Variants in DPP4 observed in about 807,000 individuals in gnomAD.
The protein encoded by DPP4 is dipeptidyl peptidase 4.
DPP4 carries 93 observed loss-of-function variants against 122.4 expected under a neutral mutation model. That is an observed-to-expected ratio of 0.76 (90% CI 0.64 to 0.90). The LOEUF (loss-of-function observed/expected upper bound fraction) is 0.90. Ranked by LOEUF, DPP4 falls within the 40% of genes least tolerant of loss-of-function variation. DPP4 has a pLI of 0.00. For synonymous variants in DPP4, 321 were observed against 302.9 expected (o/e 1.06, Z -0.62); for missense variants, 914 against 907.3 (o/e 1.01, Z -0.09).
intron 20 of DPP4, among the ~76,000 whole-genome samples, chr2:162,009,497 T>C (rs1701364915): frequency 6.7e-6 from 1 of 149,870 alleles, no homozygotes; most frequent in Non-Finnish European, 1.5e-5. Flanking sequence ...TTTACTTTTG[T>C]TGGAGTTCAT....
At chr2:162,017,371 A>C (rs186992080) in intron 16 of DPP4, 69 of 548,302 alleles carry the variant, frequency 1.3e-4, no homozygotes, top group African/African-American at 1.1e-3. Flanking sequence ...CTGGAAAGGC[A>C]CAGGGCTCAG....
intron 5 of DPP4, among the ~76,000 whole-genome samples, chr2:162,040,813 C>T (rs1481066505): frequency 6.6e-6 from 1 of 151,524 alleles, no homozygotes; most frequent in Non-Finnish European, 1.5e-5. Flanking sequence ...CACACTCATG[C>T]AAGACATTAA....
At chr2:162,053,411 G>A (rs1216109890) in intron 2 of DPP4, among the ~76,000 whole-genome samples, 2 of 151,752 alleles carry the variant, frequency 1.3e-5, no homozygotes, top group African/African-American at 2.4e-5. Flanking sequence ...ATACACCAAC[G>A]ATAGCTGAAT....
At chr2:162,016,642 T>G in intron 18 of DPP4, 126 bp downstream of exon 18, 2 of 573,510 alleles carry the variant, frequency 3.5e-6, no homozygotes, top group Non-Finnish European at 5.7e-6. Context: ...AAACATTTCA[T>G]GGAGAAATAA....
chr2:162,071,559 T>G (rs1466922789), intron 2 of DPP4, among the ~76,000 whole-genome samples: 1 of 152,168 alleles, frequency 6.6e-6, no homozygotes, highest in East Asian at 1.9e-4. Flanking sequence ...AGGGAATCAC[T>G]TGAACCCGGG....
At position 162,060,978 on chromosome 2, in the gene DPP4, TTCCC is replaced by T. The variant is rs1211725268; in HGVS notation, c.94+12417_94+12420del. Among the ~76,000 whole-genome samples the T allele has an allele frequency of 6.4e-3, 739 of 115,872 alleles. 7 individuals are homozygous for T. Among genetic ancestry groups the T allele is most frequent in the East Asian group, 0.017 (60 of 3,522 alleles). The allele number at this position is 115,872 out of a possible 152,430, so 76.0% of individuals were successfully genotyped here. ...CCTCCTTCTTTCTTAGCTTCCTTCC[TTCCC>T]TCCCTCCCTCCCTCCCTCCCTCCCT... On this transcript the variant is annotated intron_variant, in intron 2 of 25. Transcript: ENST00000360534.
chr2:162,026,482 C>A (rs1048848261), intron 10 of DPP4, among the ~76,000 whole-genome samples: 3 of 152,122 alleles, frequency 2.0e-5, no homozygotes, highest in Non-Finnish European at 4.4e-5. Flanking sequence ...CATGAGTTTC[C>A]CCAGTTGCCC....
At chr2:162,060,527 T>C (rs1209963842) in intron 2 of DPP4, among the ~76,000 whole-genome samples, 1 of 152,224 alleles carries the variant, frequency 6.6e-6, no homozygotes, top group Non-Finnish European at 1.5e-5. Context: ...CTTCCCTTTT[T>C]TCATGTTCTC....
intron 2 of DPP4, among the ~76,000 whole-genome samples, chr2:162,048,736 C>T (rs1684276638): frequency 6.6e-6 from 1 of 152,150 alleles, no homozygotes; most frequent in African/African-American, 2.4e-5. Context: ...TGACTTTTGC[C>T]CCAACACTAC....
chr2:162,043,823 T>A (rs549603070), intron 5 of DPP4, among the ~76,000 whole-genome samples: 121 of 151,814 alleles, frequency 8.0e-4, no homozygotes, highest in Middle Eastern at 3.4e-3. Flanking sequence ...AGGACAGGAG[T>A]TTGAGACCAG....
At chr2:162,016,929 C>T in intron 17 of DPP4, 63 bp from the exon 18 acceptor site, 1 of 1,490,392 alleles carries the variant, frequency 6.7e-7, no homozygotes, top group Non-Finnish European at 9.2e-7. Flanking sequence ...TTATGTAGTG[C>T]AATAATGAGC....
At chr2:162,030,117 G>A (rs1412833205) in intron 10 of DPP4, among the ~76,000 whole-genome samples, 1 of 152,178 alleles carries the variant, frequency 6.6e-6, no homozygotes, top group Non-Finnish European at 1.5e-5. Context: ...TGAATGTACT[G>A]CTCTAGATAA....
In DPP4 at chr2:161,992,271, T is replaced by G. The variant is rs1428629157; in HGVS notation, c.*1012A>C. ...TCTGAAAAAATGAAGGCACATTTAT[T>G]AAATGACTGGGAGAAATTCCATAGT... On this transcript the variant is annotated 3_prime_UTR_variant, in exon 26 of 26. Coordinates refer to ENST00000360534, the MANE Select transcript of DPP4 (RefSeq NM_001935.4). 6.6e-6 allele frequency: 1 copy of G among 152,204 alleles called. No homozygotes were observed. The highest frequency in any genetic ancestry group is 1.5e-5 in the Non-Finnish European group (1 of 68,046). The allele number at this position is 152,204 out of a possible 1,614,324, so 9.4% of individuals were successfully genotyped here. A position where few individuals can be genotyped will look rare whatever the true frequency, so the allele number is the denominator to read the frequency against.
intron 25 of DPP4, among the ~76,000 whole-genome samples, chr2:161,994,253 C>T (rs565736321): frequency 4.6e-5 from 7 of 152,342 alleles, no homozygotes; most frequent in Admixed American, 4.6e-4. Context: ...TGTCCCACTC[C>T]TGTGCATTGG....
intron 10 of DPP4, among the ~76,000 whole-genome samples, chr2:162,028,286 G>A (rs753358643): frequency 6.6e-6 from 1 of 151,964 alleles, no homozygotes; most frequent in African/African-American, 2.4e-5. Context: ...TAATTGAACC[G>A]GGCAGACAGA....
At chr2:162,054,948 T>C (rs992370140) in intron 2 of DPP4, among the ~76,000 whole-genome samples, 6 of 152,206 alleles carry the variant, frequency 3.9e-5, no homozygotes, top group African/African-American at 9.6e-5. Flanking sequence ...CACCTGTAGA[T>C]ATGTTACACT....
intron 2 of DPP4, among the ~76,000 whole-genome samples, chr2:162,051,114 A>G (rs1347224715): frequency 6.6e-6 from 1 of 152,224 alleles, no homozygotes; most frequent in African/African-American, 2.4e-5. Flanking sequence ...TAGCTAAAGC[A>G]ACTATTAGCT....
intron 8 of DPP4, among the ~76,000 whole-genome samples, chr2:162,037,738 T>A (rs1683828135): frequency 6.6e-6 from 1 of 152,264 alleles, no homozygotes; most frequent in South Asian, 2.1e-4. Context: ...AAAGGGAGAA[T>A]ATTCCTTTTT....
chr2:162,069,964 C>T (rs1213416732), intron 2 of DPP4, among the ~76,000 whole-genome samples: 4 of 152,060 alleles, frequency 2.6e-5, no homozygotes. Context: ...AATAATAAAA[C>T]TATTTGACAA....
Sources: allele counts gnomAD v4.1 joint callset (sites outside exome capture counted in the v4.1 genomes callset), GRCh38; gene constraint gnomAD v4.1.1; transcripts MANE v1.5; gene names NCBI Gene and HGNC (gene_info 2026-07-23, HGNC 2026-07-21).